The following RALGPS1 variants were observed in gnomAD, a reference collection of about 807,000 sequenced individuals.
RALGPS1 encodes ras-specific guanine nucleotide-releasing factor RalGPS1.
In RALGPS1, 19 loss-of-function variants were observed where a neutral mutation model predicts 78.8. That is an observed-to-expected ratio of 0.24 (90% CI 0.17 to 0.35). The LOEUF is 0.35. RALGPS1 is among the 10% of genes least tolerant of loss of function. The probability of loss-of-function intolerance (pLI) is 1.00; values close to 1 mark genes in which losing one functional copy is unlikely to be tolerated. For missense variants in RALGPS1, 454 were observed against 688.3 expected (o/e 0.66, Z 3.81); for synonymous variants, 228 against 256.3 (o/e 0.89, Z 1.06).
intron 1 of RALGPS1, among the ~76,000 whole-genome samples, chr9:126,959,291 A>T (rs1051252311): frequency 1.3e-5 from 2 of 151,850 alleles, no homozygotes; most frequent in African/African-American, 4.8e-5. Flanking sequence ...CAAACTCCTG[A>T]CCTCAGGTGG....
chr9:127,043,695 G>A (rs1418543304), intron 5 of RALGPS1, among the ~76,000 whole-genome samples: 1 of 152,102 alleles, frequency 6.6e-6, no homozygotes. Flanking sequence ...GAAAATATTT[G>A]CAAAACACAT....
intron 8 of RALGPS1, among the ~76,000 whole-genome samples, chr9:127,123,375 T>A (rs1351889600): frequency 6.6e-6 from 1 of 152,210 alleles, no homozygotes; most frequent in Non-Finnish European, 1.5e-5. Flanking sequence ...GGGCATCCCT[T>A]CCATGCATCG....
intron 10 of RALGPS1, among the ~76,000 whole-genome samples, chr9:127,171,322 T>C (rs1424695240): frequency 1.3e-5 from 2 of 152,204 alleles, no homozygotes; most frequent in African/African-American, 4.8e-5. Flanking sequence ...ACACTGGCTA[T>C]TTTTAATTTA....
At chr9:127,155,785 C>A (rs1588213298) in intron 8 of RALGPS1, among the ~76,000 whole-genome samples, 1 of 152,184 alleles carries the variant, frequency 6.6e-6, no homozygotes, top group Non-Finnish European at 1.5e-5. Context: ...ACCTGAAGAC[C>A]AACCAGGGGC....
chr9:126,977,684 T>G lies in RALGPS1; in HGVS notation c.166-11T>G. 1 of 1,581,826 alleles carries G rather than the reference T, an allele frequency of 6.3e-7. No individual in the cohort carries two copies. The highest frequency in any genetic ancestry group is 8.6e-7 in the Non-Finnish European group (1 of 1,158,368). ...ACAGTATTTTCTAAAATTGATTCTCTTTTGTTGCAGAGCCAGATTACATTA... is the reference window on the plus strand; with the variant it reads ...ACAGTATTTTCTAAAATTGATTCTCGTTTGTTGCAGAGCCAGATTACATTA... On this transcript the variant is annotated splice_polypyrimidine_tract_variant and intron_variant, in intron 3 of 18. Transcript: ENST00000259351.
At chr9:126,979,547 C>T (rs186399054) in intron 4 of RALGPS1, among the ~76,000 whole-genome samples, 4 of 152,244 alleles carry the variant, frequency 2.6e-5, no homozygotes, top group East Asian at 1.9e-4. Flanking sequence ...ATTCTTCATC[C>T]GAACATCAAG....
At chr9:127,007,918 C>T (rs897406693) in intron 4 of RALGPS1, among the ~76,000 whole-genome samples, 1 of 152,144 alleles carries the variant, frequency 6.6e-6, no homozygotes, top group African/African-American at 2.4e-5. Flanking sequence ...GAGAAGAGAC[C>T]TGCGAGGGAG....
At chr9:126,945,197 C>T (rs1554760582) in intron 1 of RALGPS1, among the ~76,000 whole-genome samples, 2 of 152,084 alleles carry the variant, frequency 1.3e-5, no homozygotes, top group Non-Finnish European at 2.9e-5. Flanking sequence ...GGTGTCCTCT[C>T]TTTCTCTTGC....
chr9:126,993,683 G>A (rs1204942528), intron 4 of RALGPS1, among the ~76,000 whole-genome samples: 1 of 152,144 alleles, frequency 6.6e-6, no homozygotes, highest in Non-Finnish European at 1.5e-5. Flanking sequence ...AGAGAGTAGT[G>A]GTTCTCCCAG....
At chr9:127,189,006 A>C (rs1261633497) in intron 11 of RALGPS1, among the ~76,000 whole-genome samples, 27 of 145,036 alleles carry the variant, frequency 1.9e-4, no homozygotes, top group African/African-American at 6.2e-4. Flanking sequence ...TCAAAAAAAA[A>C]AAAAAAAAAA....
intron 7 of RALGPS1, among the ~76,000 whole-genome samples, chr9:127,062,405 A>T (rs2135669579): frequency 6.6e-6 from 1 of 152,308 alleles, no homozygotes; most frequent in East Asian, 1.9e-4. Flanking sequence ...GCCAAGGATG[A>T]TTTTTTAAAA....
chr9:126,968,875 C>T (rs1180719525), intron 3 of RALGPS1, among the ~76,000 whole-genome samples: 1 of 152,096 alleles, frequency 6.6e-6, no homozygotes, highest in African/African-American at 2.4e-5. Flanking sequence ...ATAGAGAAAC[C>T]AGGTCTCTAC....
chr9:126,965,054 A>G lies in RALGPS1; in HGVS notation c.58-790A>G, dbSNP rs188929990. ...TTAAATTAAAGAGAAAGTATATTCA[A>G]CATTCTGGGATCCCCACAGTGTTGA... On this transcript the variant is annotated intron_variant, in intron 2 of 18. Transcript: ENST00000259351. Among the ~76,000 whole-genome samples the G allele has an allele frequency of 3.2e-3, 489 of 152,352 alleles. 2 individuals are homozygous for G. Among genetic ancestry groups the G allele is most frequent in the Non-Finnish European group, 6.0e-3 (407 of 68,034 alleles).
chr9:127,043,964 A>G (rs768246981), intron 5 of RALGPS1, among the ~76,000 whole-genome samples: 11 of 152,236 alleles, frequency 7.2e-5, no homozygotes, highest in Non-Finnish European at 1.6e-4. Flanking sequence ...AAGCAACACA[A>G]ACTCTTATTC....
At position 127,212,309 on chromosome 9, in the gene RALGPS1, C is replaced by T; in HGVS notation, c.1353+73C>T. ...GTAAATAGTGCCCACTCCTAGAGGT[C>T]TCAGCAAAAGTCACATGCATGGCAG... On this transcript the variant is annotated intron_variant, in intron 15 of 18. Coordinates refer to ENST00000259351, the MANE Select transcript of RALGPS1 (RefSeq NM_014636.3). The surrounding 1 kb of genome is among the most constrained non-coding windows in gnomAD (Gnocchi z 6.0). 1 of 1,204,802 alleles carries T rather than the reference C, an allele frequency of 8.3e-7. No individual in the cohort carries two copies. The highest frequency in any genetic ancestry group is 1.5e-5 in the South Asian group (1 of 68,320). 74.6% of individuals were successfully genotyped at this position (1,204,802 alleles called of 1,614,324 possible).
At chr9:127,086,630 C>T (rs563115751) in intron 8 of RALGPS1, among the ~76,000 whole-genome samples, 188 of 152,266 alleles carry the variant, frequency 1.2e-3, no homozygotes, top group Admixed American at 9.0e-3. Flanking sequence ...AAATATGTTT[C>T]TCTTGTTCAA....
intron 4 of RALGPS1, among the ~76,000 whole-genome samples, chr9:127,013,627 C>T (rs963768470): frequency 1.3e-5 from 2 of 152,166 alleles, no homozygotes; most frequent in African/African-American, 4.8e-5. Flanking sequence ...TGCCCCATCC[C>T]ACTCCGTTGC....
chr9:127,196,755 C>G, intron 13 of RALGPS1, 124 bp downstream of exon 13: 1 of 1,175,644 alleles, frequency 8.5e-7, no homozygotes, highest in South Asian at 1.6e-5. Context: ...CCCAGTGGCC[C>G]CTCACCTCCC....
intron 8 of RALGPS1, among the ~76,000 whole-genome samples, chr9:127,134,567 T>C (rs1443675660): frequency 1.3e-5 from 2 of 152,198 alleles, no homozygotes; most frequent in Non-Finnish European, 2.9e-5. Flanking sequence ...TCACCATAGG[T>C]ATGATGATTC....
Sources: allele counts gnomAD v4.1 joint callset (sites outside exome capture counted in the v4.1 genomes callset), GRCh38; gene constraint gnomAD v4.1.1; non-coding constraint Gnocchi (gnomAD v3.1); transcripts MANE v1.5; gene names NCBI Gene and HGNC (gene_info 2026-07-23, HGNC 2026-07-21).